SLC26A5: variants seen among roughly 807,000 people sequenced by gnomAD.
SLC26A5 encodes the protein solute carrier family 26 member 5.
Under a neutral mutation model 81.0 loss-of-function variants are expected in SLC26A5, and 51 were observed. The observed-to-expected ratio is 0.63, with a 90% CI of 0.50 to 0.80. The LOEUF (loss-of-function observed/expected upper bound fraction) is 0.80. SLC26A5 is among the 30% of genes least tolerant of loss of function. The pLI is 0.00. For missense variants in SLC26A5, 771 were observed against 905.8 expected, an observed-to-expected ratio of 0.85 and a Z score of 1.91; for synonymous variants, 325 against 332.8, an observed-to-expected ratio of 0.98 and a Z score of 0.25.
rs1353294601 is a variant in SLC26A5, at chr7:103,364,002, G to A, written c.2042-11076C>T. 8 of 769,236 alleles carry A rather than the reference G, an allele frequency of 1.0e-5. No homozygotes were observed. In the South Asian group the frequency reaches 1.1e-4, roughly 10 times the overall value. The allele number at this position is 769,236 out of a possible 1,614,324, so 47.7% of individuals were successfully genotyped here. A position where few individuals can be genotyped will look rare whatever the true frequency, so the allele number is the denominator to read the frequency against. On this transcript the variant is annotated intron_variant, in intron 19 of 19. Coordinates refer to the SLC26A5 transcript ENST00000339444. ...TATTTAGTTCAAGTATGTATATTGT[G>A]GACTTAATAATTTTGATTTAAATAT...
chr7:103,410,066 G>C (rs1356866660), intron 7 of SLC26A5, among the ~76,000 whole-genome samples: 1 of 152,018 alleles, frequency 6.6e-6, no homozygotes, highest in Non-Finnish European at 1.5e-5. Context: ...TTATTTGTTA[G>C]TTTCCAAAAA....
At position 103,426,598 on chromosome 7, in the gene SLC26A5, T is replaced by C. The variant is rs548068014; in HGVS notation, c.-53-5031A>G. 5.3e-5 allele frequency among the ~76,000 whole-genome samples: 8 copies of C among 152,312 alleles called. No individual in the cohort carries two copies. The East Asian group carries it at 1.5e-3, about 29-fold the overall frequency. ...TTTTGAGATACTGGCACCCTGGCTATAATCTATGTCCTTTTTGAGATAGCT... is the reference window on the plus strand; with the variant it reads ...TTTTGAGATACTGGCACCCTGGCTACAATCTATGTCCTTTTTGAGATAGCT... On this transcript the variant is annotated intron_variant, in intron 2 of 19. Coordinates refer to ENST00000306312, the MANE Select transcript of SLC26A5 (RefSeq NM_198999.3).
intron 19 of SLC26A5, chr7:103,368,174 T>G: frequency 1.2e-6 from 1 of 850,020 alleles, no homozygotes; most frequent in Non-Finnish European, 1.7e-6. Context: ...TCCATATCTC[T>G]TCTTGTAATA....
rs375466627 is a variant in SLC26A5, at chr7:103,399,040, T to C, written c.889-1026A>G. 1.8e-4 allele frequency among the ~76,000 whole-genome samples: 28 copies of C among 152,290 alleles called. No homozygotes were observed. The East Asian group carries it at 4.4e-3, about 24-fold the overall frequency. Reference sequence around the variant, plus strand: ...TACAGTGGTTAAGTAATTTAAACCATTGTTTTCTTATCAAGACAAACAGAT... The same window carrying C: ...TACAGTGGTTAAGTAATTTAAACCACTGTTTTCTTATCAAGACAAACAGAT... On this transcript the variant is annotated intron_variant, in intron 8 of 19. Transcript: ENST00000306312.
intron 2 of SLC26A5, among the ~76,000 whole-genome samples, chr7:103,435,768 T>G (rs1350823482): frequency 1.3e-5 from 2 of 152,228 alleles, no homozygotes; most frequent in Non-Finnish European, 2.9e-5. Flanking sequence ...TGGTCCTTTT[T>G]GTACAAATTC....
At chr7:103,440,248 T>G (rs987701883) in intron 2 of SLC26A5, among the ~76,000 whole-genome samples, 1 of 152,220 alleles carries the variant, frequency 6.6e-6, no homozygotes, top group African/African-American at 2.4e-5. Flanking sequence ...ATGAAAACCC[T>G]TGTTACCTTT....
chr7:103,359,645 A>T (rs954308038), intron 19 of SLC26A5, among the ~76,000 whole-genome samples: 72 of 152,208 alleles, frequency 4.7e-4, no homozygotes, highest in African/African-American at 1.6e-3. Flanking sequence ...AAATAGATGG[A>T]ACTTTTTATG....
chr7:103,443,831 T>C (rs1189388266), intron 1 of SLC26A5, among the ~76,000 whole-genome samples: 1 of 152,220 alleles, frequency 6.6e-6, no homozygotes, highest in East Asian at 1.9e-4. Flanking sequence ...CTCTGACTAA[T>C]TCGCTGACCC....
intron 18 of SLC26A5, among the ~76,000 whole-genome samples, chr7:103,377,104 A>C (rs992874307): frequency 1.3e-5 from 2 of 152,244 alleles, no homozygotes; most frequent in African/African-American, 4.8e-5. Flanking sequence ...TAAGTACAAT[A>C]AAACTATTAT....
At chr7:103,381,090 C>T (rs762352450) in intron 14 of SLC26A5, among the ~76,000 whole-genome samples, 23 of 151,574 alleles carry the variant, frequency 1.5e-4, no homozygotes, top group Admixed American at 2.6e-4. Flanking sequence ...ACATACCACA[C>T]ATATACACAT....
chr7:103,402,504 A>C (rs1157844742), intron 8 of SLC26A5, among the ~76,000 whole-genome samples: 1 of 150,122 alleles, frequency 6.7e-6, no homozygotes, highest in Non-Finnish European at 1.5e-5. Flanking sequence ...GATTCAAGTG[A>C]TTCTCCTGCC....
In SLC26A5 at chr7:103,420,897, C is replaced by G; in HGVS notation, c.153-20G>C. 1 of 1,595,604 alleles carries G rather than the reference C, an allele frequency of 6.3e-7. No individual in the cohort carries two copies. Among genetic ancestry groups the G allele is most frequent in the Non-Finnish European group, 8.6e-7 (1 of 1,164,266 alleles). On this transcript the variant is annotated intron_variant, in intron 3 of 19. Transcript: ENST00000306312. ...GTACATCTGAAAGGACAAAGACAGA[C>G]AGAGATAAAGTTATAAATGAGAAAC...
intron 2 of SLC26A5, among the ~76,000 whole-genome samples, chr7:103,429,018 G>T (rs927114024): frequency 1.3e-5 from 2 of 152,052 alleles, no homozygotes; most frequent in Non-Finnish European, 2.9e-5. Flanking sequence ...CCAGTCCCTG[G>T]AAATTACTAT....
chr7:103,410,729 C>G (rs1452231812), intron 6 of SLC26A5, among the ~76,000 whole-genome samples, 180 bp from the exon 7 acceptor site: 1 of 152,024 alleles, frequency 6.6e-6, no homozygotes, highest in African/African-American at 2.4e-5. Context: ...CTCCCGGGTT[C>G]AAGCGATTCT....
Position 103,391,654 on chromosome 7 carries a change from G to C in SLC26A5, c.1201C>G (p.Leu401Val). ...FSISCSLSRS[L>V]VQEGTGGKTQ... Reference sequence around the variant, plus strand: ...TTCCCACCGGTTCCCTCCTGAACAAGGCTTCGAGACAAGGAGCATGAAATT... The same window carrying C: ...TTCCCACCGGTTCCCTCCTGAACAACGCTTCGAGACAAGGAGCATGAAATT... The change falls in exon 11 of 20, where the codon CTT (leucine) becomes GTT (valine). Residue 401 changes from leucine (L) to valine (V), a missense_variant. Coordinates refer to ENST00000306312, the MANE Select transcript of SLC26A5 (RefSeq NM_198999.3). 6.2e-7 allele frequency: 1 copy of C among 1,614,170 alleles called. No homozygotes were observed. Among genetic ancestry groups the C allele is most frequent in the South Asian group, 1.1e-5 (1 of 91,074 alleles).
intron 19 of SLC26A5, among the ~76,000 whole-genome samples, chr7:103,360,717 T>C (rs189847504): frequency 1.3e-4 from 20 of 152,370 alleles, no homozygotes; most frequent in African/African-American, 4.6e-4. Flanking sequence ...ATAGATACTA[T>C]AGAAGGGGAA....
At chr7:103,356,038 C>G (rs1300842640) in intron 19 of SLC26A5, among the ~76,000 whole-genome samples, 2 of 152,142 alleles carry the variant, frequency 1.3e-5, no homozygotes, top group African/African-American at 2.4e-5. Flanking sequence ...ATGAAAAACT[C>G]CCTTCTCATA....
At chr7:103,423,903 A>G (rs1341067228) in intron 2 of SLC26A5, among the ~76,000 whole-genome samples, 2 of 152,204 alleles carry the variant, frequency 1.3e-5, no homozygotes, top group East Asian at 3.9e-4. Flanking sequence ...TCAGACTAGT[A>G]AGGTGGGTTG....
Position 103,379,301 on chromosome 7 carries a change from A to G in SLC26A5, c.1619T>C (p.Ile540Thr), listed in dbSNP as rs372938455. The G allele has an allele frequency of 6.2e-7, 1 of 1,610,014 alleles. No homozygotes were observed. ...KEIPGIKIFQ[I>T]NAPIYYANSD... ...ATTTGCATAGTAAATTGGTGCATTT[A>G]TTTGAAATATTTTTATTCCAGGAAT... The change falls in exon 16 of 20, where the codon ATA becomes ACA. Residue 540 changes from isoleucine to threonine, a missense_variant. Physicochemically the swap from Ile to Thr is moderately conservative, Grantham distance 89. Transcript: ENST00000306312.
Sources: gnomAD v4.1 joint callset for allele counts (sites outside exome capture counted in the v4.1 genomes callset) on GRCh38, gnomAD v4.1.1 for gene constraint, MANE v1.5 for transcripts, NCBI Gene and HGNC (gene_info 2026-07-23, HGNC 2026-07-21) for gene names.